The following AUTS2 variants were observed in gnomAD, a reference collection of about 807,000 sequenced individuals.
AUTS2 encodes the protein activator of transcription and developmental regulator AUTS2, also known as autism susceptibility gene 2 protein.
Under a neutral mutation model 112.4 loss-of-function variants are expected in AUTS2, and 17 were observed. The ratio of observed to expected loss-of-function variants is 0.15; its 90% CI spans 0.10 to 0.23. The LOEUF (loss-of-function observed/expected upper bound fraction) is 0.23, where lower values mean the gene tolerates loss of function less well. Among genes scored for constraint, AUTS2 ranks in the 10% least tolerant of loss-of-function variants. The pLI is 1.00. For missense variants in AUTS2, 1,510 were observed against 1,701.6 expected (o/e 0.89, Z 1.98); for synonymous variants, 751 against 702.7 (o/e 1.07, Z -1.09).
At chr7:70,601,307 A>G (rs1343873017) in intron 5 of AUTS2, among the ~76,000 whole-genome samples, 1 of 152,178 alleles carries the variant, frequency 6.6e-6, no homozygotes, top group Non-Finnish European at 1.5e-5. Flanking sequence ...TTCATTGGCT[A>G]TTTGTACATC....
intron 1 of AUTS2, among the ~76,000 whole-genome samples, chr7:69,686,053 A>G (rs889412264): frequency 3.9e-5 from 6 of 152,180 alleles, no homozygotes; most frequent in Admixed American, 3.3e-4. Context: ...GGGATATTAG[A>G]CTTCATGTAT....
chr7:70,494,133 G>A (rs1359149354), intron 5 of AUTS2, among the ~76,000 whole-genome samples: 1 of 152,202 alleles, frequency 6.6e-6, no homozygotes, highest in Non-Finnish European at 1.5e-5. Flanking sequence ...TCATTGCAGA[G>A]CTGATCTTTG....
chr7:70,303,434 G>C (rs368312620), intron 4 of AUTS2, among the ~76,000 whole-genome samples: 1 of 141,948 alleles, frequency 7.0e-6, no homozygotes, highest in African/African-American at 2.6e-5. Context: ...GCGCGCGCGC[G>C]CACATACACA....
At chr7:70,351,058 T>C (rs1562900044) in intron 4 of AUTS2, among the ~76,000 whole-genome samples, 3 of 151,450 alleles carry the variant, frequency 2.0e-5, no homozygotes, top group Non-Finnish European at 4.4e-5. Context: ...TCTTCTTTTT[T>C]TTTTTTTTTT....
chr7:70,634,442 C>T (rs888001544), intron 5 of AUTS2, among the ~76,000 whole-genome samples: 2 of 152,170 alleles, frequency 1.3e-5, no homozygotes, highest in African/African-American at 2.4e-5. Flanking sequence ...TGCTGTTCGG[C>T]GGGCCTAGCC....
intron 1 of AUTS2, among the ~76,000 whole-genome samples, chr7:69,818,818 A>G (rs1009127406): frequency 2.6e-5 from 4 of 152,326 alleles, no homozygotes; most frequent in Non-Finnish European, 4.4e-5. Flanking sequence ...ATAGCCATAA[A>G]CATCTTCTAT....
chr7:70,129,325 C>G (rs187549241), intron 3 of AUTS2, among the ~76,000 whole-genome samples: 381 of 152,314 alleles, frequency 2.5e-3, no homozygotes, highest in Non-Finnish European at 4.6e-3. Context: ...GAGAGTCAGC[C>G]TTTTGTTCTT....
chr7:70,623,293 G>A (rs1466857005), intron 5 of AUTS2, among the ~76,000 whole-genome samples: 1 of 152,186 alleles, frequency 6.6e-6, no homozygotes, highest in Non-Finnish European at 1.5e-5. Flanking sequence ...CACCTCTCCT[G>A]AGAGGCCTTC....
At chr7:70,181,493 C>CT (rs1380452623) in intron 4 of AUTS2, among the ~76,000 whole-genome samples, 596 of 140,960 alleles carry the variant, frequency 4.2e-3, no homozygotes, top group Non-Finnish European at 6.1e-3. Context: ...TTTTTTTTTT[C>CT]TTTTTTTTTT....
At chr7:70,560,251 G>T (rs1292013464) in intron 5 of AUTS2, among the ~76,000 whole-genome samples, 2 of 152,152 alleles carry the variant, frequency 1.3e-5, no homozygotes, top group Non-Finnish European at 2.9e-5. Context: ...TACTTATCCA[G>T]CTTTGCTCTT....
intron 5 of AUTS2, among the ~76,000 whole-genome samples, chr7:70,604,825 G>A (rs1486936036): frequency 6.6e-6 from 1 of 152,226 alleles, no homozygotes; most frequent in Non-Finnish European, 1.5e-5. Context: ...GGGAGGCTGG[G>A]AATTTAGGTT....
chr7:70,719,821 C>G (rs968748808), intron 6 of AUTS2, among the ~76,000 whole-genome samples: 1 of 152,120 alleles, frequency 6.6e-6, no homozygotes, highest in Non-Finnish European at 1.5e-5. Context: ...TGGTTACACC[C>G]CACACAGTGA....
chr7:70,312,432 G>A (rs571726686), intron 4 of AUTS2, among the ~76,000 whole-genome samples: 3 of 152,196 alleles, frequency 2.0e-5, no homozygotes, highest in South Asian at 4.1e-4. Flanking sequence ...TAGAATTTGT[G>A]TGTATATAAT....
intron 5 of AUTS2, among the ~76,000 whole-genome samples, chr7:70,647,351 C>G (rs1806227824): frequency 6.6e-6 from 1 of 152,156 alleles, no homozygotes; most frequent in Non-Finnish European, 1.5e-5. Context: ...AGGCCTCAGC[C>G]CACTTCGCTC....
At chr7:69,728,808 C>T (rs1418085921) in intron 1 of AUTS2, among the ~76,000 whole-genome samples, 1 of 151,366 alleles carries the variant, frequency 6.6e-6, no homozygotes, top group African/African-American at 2.4e-5. Context: ...TAATTTCAGT[C>T]AAAGATAGCA....
chr7:69,837,526 T>G (rs981478013), intron 1 of AUTS2, among the ~76,000 whole-genome samples: 3 of 152,100 alleles, frequency 2.0e-5, no homozygotes, highest in Admixed American at 1.3e-4. Flanking sequence ...GAGAGGAGTC[T>G]ACAATTGCCT....
chr7:69,893,502 G>T (rs1794612262), intron 1 of AUTS2, among the ~76,000 whole-genome samples: 1 of 152,118 alleles, frequency 6.6e-6, no homozygotes, highest in Non-Finnish European at 1.5e-5. Flanking sequence ...GTGTCATTGG[G>T]GACAGGCAAA....
intron 5 of AUTS2, among the ~76,000 whole-genome samples, chr7:70,654,081 A>G (rs1182263966): frequency 6.6e-6 from 1 of 152,186 alleles, no homozygotes; most frequent in Non-Finnish European, 1.5e-5. Context: ...TCCACAGCCT[A>G]TCTTTTCTGT....
chr7:70,397,944 T>C (rs1314136724), intron 4 of AUTS2, among the ~76,000 whole-genome samples: 1 of 152,252 alleles, frequency 6.6e-6, no homozygotes, highest in Non-Finnish European at 1.5e-5. Flanking sequence ...GAGTTCATTT[T>C]TGTATATGAT....
Sources: allele counts gnomAD v4.1 joint callset (sites outside exome capture counted in the v4.1 genomes callset), GRCh38; gene constraint gnomAD v4.1.1; transcripts MANE v1.5; gene names NCBI Gene and HGNC (gene_info 2026-07-23, HGNC 2026-07-21).